The following EDA variants were observed in gnomAD, a reference collection of about 807,000 sequenced individuals.
EDA encodes ectodysplasin-A.
A neutral mutation model predicts 23.6 loss-of-function variants in EDA; 2 were observed. The observed-to-expected ratio is 0.08, with a 90% CI of 0.03 to 0.27. EDA has a LOEUF of 0.27. Ranked by LOEUF, EDA falls within the 10% of genes least tolerant of loss-of-function variation. The pLI, the probability that EDA is intolerant of heterozygous loss-of-function variation, is 1.00. For synonymous variants in EDA, 131 were observed against 132.0 expected (o/e 0.99, Z 0.05); for missense variants, 229 against 324.2 (o/e 0.71, Z 2.26).
intron 1 of EDA, among the ~76,000 whole-genome samples, chrX:69,646,464 T>A (rs903314557): frequency 8.9e-6 from 1 of 111,907 alleles, no homozygotes; most frequent in African/African-American, 3.2e-5. Context: ...TGATCTTTGT[T>A]GATTTAAAGT....
At chrX:69,752,317 T>A (rs1202566017) in intron 1 of EDA, among the ~76,000 whole-genome samples, 6 of 112,043 alleles carry the variant, frequency 5.4e-5, no homozygotes, top group Non-Finnish European at 1.1e-4. Context: ...AGGCCTTTTC[T>A]GCATCTATTG....
At chrX:69,838,214 C>A (rs775010054) in intron 1 of EDA, among the ~76,000 whole-genome samples, 6 of 112,854 alleles carry the variant, frequency 5.3e-5, no homozygotes, top group Non-Finnish European at 1.1e-4. Context: ...TTAGACACTC[C>A]TCAGATTAGG....
chrX:69,965,514 T>A (rs1251014898), intron 2 of EDA, among the ~76,000 whole-genome samples: 2 of 112,367 alleles, frequency 1.8e-5, no homozygotes, highest in Non-Finnish European at 3.8e-5. Flanking sequence ...TTTATAGATA[T>A]ACTAACATAC....
chrX:69,750,231 T>G (rs2013786660), intron 1 of EDA, among the ~76,000 whole-genome samples: 1 of 91,455 alleles, frequency 1.1e-5, no homozygotes, highest in Non-Finnish European at 2.1e-5. Flanking sequence ...GTACAAGTGT[T>G]CTCATTGTTC....
intron 1 of EDA, among the ~76,000 whole-genome samples, chrX:69,894,184 T>C (rs1365985361): frequency 9.0e-6 from 1 of 111,557 alleles, no homozygotes; most frequent in African/African-American, 3.3e-5. Flanking sequence ...CCCATTGCTT[T>C]TGTCGACTTT....
At chrX:69,662,451 C>T (rs1167689391) in intron 1 of EDA, among the ~76,000 whole-genome samples, 1 of 112,254 alleles carries the variant, frequency 8.9e-6, no homozygotes, top group African/African-American at 3.2e-5. Context: ...CTTGCTTCTC[C>T]TTCACCATCT....
At chrX:69,839,877 C>T (rs943518834) in intron 1 of EDA, among the ~76,000 whole-genome samples, 7 of 112,430 alleles carry the variant, frequency 6.2e-5, no homozygotes, top group Non-Finnish European at 9.4e-5. Flanking sequence ...GTTCTGTACA[C>T]TGATGTTTCC....
intron 1 of EDA, among the ~76,000 whole-genome samples, chrX:69,740,101 T>G (rs1438797703): frequency 9.0e-6 from 1 of 111,605 alleles, no homozygotes; most frequent in East Asian, 2.8e-4. Flanking sequence ...AATTAATATA[T>G]TTCTATATGT....
intron 1 of EDA, among the ~76,000 whole-genome samples, chrX:69,633,258 A>T (rs370748182): frequency 8.9e-6 from 1 of 112,184 alleles, no homozygotes; most frequent in Non-Finnish European, 1.9e-5. Context: ...AAGCCACTTG[A>T]CATTATGAAT....
intron 2 of EDA, among the ~76,000 whole-genome samples, chrX:69,987,032 C>T (rs1202778037): frequency 1.3e-5 from 1 of 79,539 alleles, no homozygotes; most frequent in Non-Finnish European, 2.3e-5. Context: ...GAACAAAAAA[C>T]CAAACACCGC....
intron 1 of EDA, among the ~76,000 whole-genome samples, chrX:69,920,260 T>TGTG (rs2018410626): frequency 9.0e-6 from 1 of 111,484 alleles, no homozygotes; most frequent in Admixed American, 9.6e-5. Context: ...ACAGAAAAGT[T>TGTG]GTGGAGATAA....
intron 1 of EDA, among the ~76,000 whole-genome samples, chrX:69,703,533 C>G (rs997785885): frequency 8.9e-6 from 1 of 112,395 alleles, no homozygotes; most frequent in African/African-American, 3.2e-5. Flanking sequence ...TAATGAGCGC[C>G]TGGGTGCAGA....
chrX:69,938,516 G>A (rs752556770), intron 1 of EDA, among the ~76,000 whole-genome samples: 1 of 111,765 alleles, frequency 8.9e-6, no homozygotes, highest in East Asian at 2.8e-4. Context: ...ATTAATCTCT[G>A]TCAGATGAGT....
At chrX:69,844,099 G>T (rs940201269) in intron 1 of EDA, among the ~76,000 whole-genome samples, 1 of 110,313 alleles carries the variant, frequency 9.1e-6, no homozygotes, top group African/African-American at 3.3e-5. Context: ...GAAAAAAGGG[G>T]GTGGGAGAAG....
In EDA at chrX:70,036,846, G is replaced by A. The variant is rs1016934000; in HGVS notation, c.*1237G>A. Reference sequence around the variant, plus strand: ...GGCCTTATCTGAAAGGCCAGCAGCTGATGCTGTACTAACCCAGTCTTTCTT... The same window carrying A: ...GGCCTTATCTGAAAGGCCAGCAGCTAATGCTGTACTAACCCAGTCTTTCTT... On this transcript the variant is annotated 3_prime_UTR_variant, in exon 8 of 8. Coordinates refer to ENST00000374552, the MANE Select transcript of EDA (RefSeq NM_001399.5). 8.8e-6 allele frequency: 1 copy of A among 113,013 alleles called. No homozygotes were observed. The highest frequency in any genetic ancestry group is 1.9e-5 in the Non-Finnish European group (1 of 53,389). The allele number at this position is 113,013 out of a possible 1,213,427, so 9.3% of individuals were successfully genotyped here. A position where few individuals can be genotyped will look rare whatever the true frequency, so the allele number is the denominator to read the frequency against.
rs756602847 is a variant in EDA, at chrX:69,808,236, A to G, written c.397-148791A>G. Among the ~76,000 whole-genome samples the G allele has an allele frequency of 7.9e-4, 88 of 111,023 alleles. 1 individual carries two copies. The highest frequency in any genetic ancestry group is 2.8e-3 in the African/African-American group (86 of 30,572). On this transcript the variant is annotated intron_variant, in intron 1 of 7. Coordinates refer to ENST00000374552, the MANE Select transcript of EDA (RefSeq NM_001399.5). ...TTTATTGTATGTATATTATAAATTT[A>G]TTGTATTCATCTATTACTGGGAAAG... is the stretch of plus-strand genomic sequence containing the variant.
chrX:69,942,668 G>A (rs1169448335), intron 1 of EDA, among the ~76,000 whole-genome samples: 1 of 110,706 alleles, frequency 9.0e-6, no homozygotes, highest in Non-Finnish European at 1.9e-5. Flanking sequence ...AATGCTATGA[G>A]GTAGTCTTTT....
chrX:69,974,106 A>G (rs1311331871), intron 2 of EDA, among the ~76,000 whole-genome samples: 1 of 109,308 alleles, frequency 9.1e-6, no homozygotes, highest in Non-Finnish European at 1.9e-5. Context: ...TGAACACAGG[A>G]TTCAGGATAA....
intron 7 of EDA, 81 bp from the exon 8 acceptor site, chrX:70,035,277 T>C (rs1436478320): frequency 9.3e-7 from 1 of 1,073,343 alleles, no homozygotes; most frequent in Non-Finnish European, 1.3e-6. Flanking sequence ...TCTGAGAAGA[T>C]TCTGTCAATT....
Sources: allele counts gnomAD v4.1 joint callset (sites outside exome capture counted in the v4.1 genomes callset), GRCh38; gene constraint gnomAD v4.1.1; transcripts MANE v1.5; gene names NCBI Gene and HGNC (gene_info 2026-07-23, HGNC 2026-07-21).